The following ATM variants were observed in gnomAD, a reference collection of about 807,000 sequenced individuals.
ATM encodes the protein serine-protein kinase ATM.
A neutral mutation model predicts 387.0 loss-of-function variants in ATM; 308 were observed. The observed-to-expected ratio is 0.80, with a 90% confidence interval of 0.73 to 0.87. ATM has a LOEUF of 0.87. Ranked by LOEUF, ATM falls within the 40% of genes least tolerant of loss-of-function variation. The pLI is 0.00. For synonymous variants in ATM, 1,156 were observed against 1,187.3 expected, an observed-to-expected ratio of 0.97 and a Z score of 0.54; for missense variants, 3,312 against 3,560.9, an observed-to-expected ratio of 0.93 and a Z score of 1.78.
intron 50 of ATM, 176 bp from the exon 51 acceptor site, chr11:108,331,268 C>T: frequency 2.2e-6 from 3 of 1,356,732 alleles, no homozygotes; most frequent in Non-Finnish European, 2.8e-6. Context: ...TCTAGAGTAC[C>T]CATTAGAAAG....
chr11:108,352,202 T>C (rs1160333655), intron 59 of ATM, among the ~76,000 whole-genome samples: 1 of 152,218 alleles, frequency 6.6e-6, no homozygotes, highest in Non-Finnish European at 1.5e-5. Context: ...ATGACAATGA[T>C]GTTGGAATTA....
At chr11:108,257,689 A>C (rs565990561) in intron 15 of ATM, 83 bp downstream of exon 15, 2 of 1,376,814 alleles carry the variant, frequency 1.5e-6, no homozygotes, top group East Asian at 4.6e-5. Context: ...GGATTGTCAC[A>C]ACTCATTGTA....
At chr11:108,246,082 C>G (rs1319445800) in intron 7 of ATM, among the ~76,000 whole-genome samples, 2 of 152,056 alleles carry the variant, frequency 1.3e-5, no homozygotes, top group Non-Finnish European at 1.5e-5. Context: ...CCTCAGCCTC[C>G]CAAAGTGCTG....
chr11:108,273,116 G>A (rs2081696925), intron 22 of ATM, among the ~76,000 whole-genome samples: 2 of 152,120 alleles, frequency 1.3e-5, no homozygotes, highest in African/African-American at 2.4e-5. Flanking sequence ...TGGTTGACTC[G>A]AGTGAGGTGT....
At chr11:108,265,283 A>C (rs1452362809) in intron 16 of ATM, among the ~76,000 whole-genome samples, 1 of 152,080 alleles carries the variant, frequency 6.6e-6, no homozygotes, top group Non-Finnish European at 1.5e-5. Flanking sequence ...ACCAAAACAG[A>C]GATATAGATC....
At chr11:108,257,759 A>G (rs2080598744) in intron 15 of ATM, among the ~76,000 whole-genome samples, 153 bp downstream of exon 15, 1 of 152,208 alleles carries the variant, frequency 6.6e-6, no homozygotes, top group South Asian at 2.1e-4. Context: ...AATTGGGACT[A>G]CAGGCATGTA....
chr11:108,312,595 C>A, intron 40 of ATM, 97 bp downstream of exon 40: 2 of 880,890 alleles, frequency 2.3e-6, no homozygotes, highest in Non-Finnish European at 3.7e-6. Context: ...GATTTTTAAA[C>A]TGAATTTACT....
intron 5 of ATM, among the ~76,000 whole-genome samples, chr11:108,243,072 G>A (rs1201866686): frequency 6.6e-6 from 1 of 151,914 alleles, no homozygotes; most frequent in East Asian, 1.9e-4. Context: ...ATACCAATCA[G>A]TTGGGTGTGG....
In ATM at chr11:108,259,008, C is replaced by T. The variant is rs1196453563; in HGVS notation, c.2399C>T (p.Ser800Phe). The change falls in exon 16 of 63, where the codon TCT becomes TTT. Residue 800 changes from serine (S) to phenylalanine (F), a missense_variant. Physicochemically the swap from Ser to Phe is radical, Grantham distance 155. Coordinates refer to ENST00000675843, the MANE Select transcript of ATM (RefSeq NM_000051.4). ...CTKKSPNKIA[S>F]GFFLRLLTSK... ...CAGAAGAGTCCAAATAAGATTGCATCTGGCTTTTTCCTGCGATTGTTAACA... is the reference window on the plus strand; with the variant it reads ...CAGAAGAGTCCAAATAAGATTGCATTTGGCTTTTTCCTGCGATTGTTAACA... 1.2e-6 allele frequency: 2 copies of T among 1,613,802 alleles called. No homozygotes were observed. Among genetic ancestry groups the T allele is most frequent in the South Asian group, 2.2e-5 (2 of 91,080 alleles).
intron 10 of ATM, 145 bp downstream of exon 10, chr11:108,251,217 GAAGACTTAATAAATGCAT>G: frequency 8.0e-7 from 1 of 1,254,714 alleles, no homozygotes; most frequent in South Asian, 1.4e-5. Flanking sequence ...GTTTGGCCGA[GAAGACTTAATAAATGCAT>G]AAGTGAATTT....
Position 108,365,075 on chromosome 11 carries a change from T to C in ATM, c.8851-7T>C. 1 of 1,613,894 alleles carries C rather than the reference T, an allele frequency of 6.2e-7. No individual in the cohort carries two copies. The highest frequency in any genetic ancestry group is 8.5e-7 in the Non-Finnish European group (1 of 1,179,786). On this transcript the variant is annotated splice_polypyrimidine_tract_variant and splice_region_variant and intron_variant, in intron 61 of 62. Transcript: ENST00000675843. Reference sequence around the variant, plus strand: ...GTTCTTTTAATACATATGTTCTCTCTGTTTAGGTCCTTCTATATGATCCAC... The same window carrying C: ...GTTCTTTTAATACATATGTTCTCTCCGTTTAGGTCCTTCTATATGATCCAC...
rs181924288 is a variant in ATM at position 108,354,692 on chromosome 11, C to T, written c.8787-119C>T. Reference sequence around the variant, plus strand: ...CCAAGTATTATGCTATTTTGAGATACAGATATGTAGATTATTAAGCATAGG... The same window carrying T: ...CCAAGTATTATGCTATTTTGAGATATAGATATGTAGATTATTAAGCATAGG... On this transcript the variant is annotated intron_variant, in intron 60 of 62. Coordinates refer to ENST00000675843, the MANE Select transcript of ATM (RefSeq NM_000051.4). The T allele has an allele frequency of 4.1e-5, 37 of 904,506 alleles. No homozygotes were observed. The African/African-American group carries it at 5.2e-4, about 13-fold the overall frequency. The allele number at this position is 904,506 out of a possible 1,614,324, so 56.0% of individuals were successfully genotyped here.
At chr11:108,298,908 AAGAATT>A (rs2083265083) in intron 33 of ATM, among the ~76,000 whole-genome samples, 2 of 152,352 alleles carry the variant, frequency 1.3e-5, no homozygotes, top group East Asian at 3.9e-4. Flanking sequence ...ACAATCCAGA[AAGAATT>A]AGAAAAGCAA....
intron 33 of ATM, among the ~76,000 whole-genome samples, chr11:108,298,451 A>G (rs774173079): frequency 2.0e-5 from 3 of 152,220 alleles, no homozygotes; most frequent in Admixed American, 6.5e-5. Context: ...ACCCAGACTA[A>G]AAAACAGAAT....
At chr11:108,351,785 C>CTGTT (rs2089232539) in intron 59 of ATM, among the ~76,000 whole-genome samples, 1 of 152,226 alleles carries the variant, frequency 6.6e-6, no homozygotes. Flanking sequence ...TGGTTCTTCC[C>CTGTT]TGTTTCTGGG....
rs553834670 is a variant in ATM, at chr11:108,359,418, A to G, written c.8850+4544A>G. ...AAAAAGTCAACAAGGATACCCAGGA[A>G]TTGAACTCAGCTCTGCACCAAGCGG... On this transcript the variant is annotated intron_variant, in intron 61 of 62. Coordinates refer to ENST00000675843, the MANE Select transcript of ATM (RefSeq NM_000051.4). Among the ~76,000 whole-genome samples, 514 of 152,274 alleles carry G rather than the reference A, an allele frequency of 3.4e-3. 4 individuals are homozygous for G. Among genetic ancestry groups the G allele is most frequent in the African/African-American group, 0.012 (478 of 41,558 alleles).
intron 16 of ATM, among the ~76,000 whole-genome samples, chr11:108,263,728 C>G (rs1244863815): frequency 6.9e-6 from 1 of 145,978 alleles, no homozygotes; most frequent in Non-Finnish European, 1.5e-5. Context: ...ATTGATAGAC[C>G]GCTAGCAAGA....
intron 7 of ATM, 38 bp from the exon 8 acceptor site, chr11:108,246,926 C>A (rs2135263630): frequency 6.6e-7 from 1 of 1,524,118 alleles, no homozygotes. Flanking sequence ...AAACAGAGTA[C>A]ATACATAAAA....
At position 108,267,275 on chromosome 11, in the gene ATM, A is replaced by T. The variant is rs1191404395; in HGVS notation, c.2571A>T (p.Leu857=). 6.2e-7 allele frequency: 1 copy of T among 1,614,156 alleles called. No homozygotes were observed. Among genetic ancestry groups the T allele is most frequent in the African/African-American group, 1.3e-5 (1 of 75,060 alleles). The stretch of plus-strand genomic sequence containing the variant: ...TGGAGGATCAGTCATCCATGAATCT[A>T]TTTAACGATTACCCTGATAGTAGTG... ...MEVEDQSSMN[L]FNDYPDSSVS... Residue 857 remains leucine, a synonymous_variant, in exon 17 of 63, where the codon CTA becomes CTT. Coordinates refer to ENST00000675843, the MANE Select transcript of ATM (RefSeq NM_000051.4).
Sources: allele counts gnomAD v4.1 joint callset (sites outside exome capture counted in the v4.1 genomes callset), GRCh38; gene constraint gnomAD v4.1.1; transcripts MANE v1.5; gene names NCBI Gene and HGNC (gene_info 2026-07-23, HGNC 2026-07-21).